ZNF431: variants seen among roughly 807,000 people sequenced by gnomAD.
The protein encoded by ZNF431 is zinc finger protein 431.
A neutral mutation model predicts 57.0 loss-of-function variants in ZNF431; 34 were observed. The observed-to-expected ratio is 0.60, with a 90% CI of 0.45 to 0.79. The LOEUF is 0.79. ZNF431 is among the 30% of genes least tolerant of loss of function. ZNF431 has a pLI of 0.00. For synonymous variants in ZNF431, 207 were observed against 220.3 expected, an observed-to-expected ratio of 0.94 and a Z score of 0.54; for missense variants, 607 against 667.1, an observed-to-expected ratio of 0.91 and a Z score of 0.99.
intron 2 of ZNF431, among the ~76,000 whole-genome samples, chr19:21,152,107 A>G (rs1036384384): frequency 3.3e-5 from 5 of 152,244 alleles, no homozygotes; most frequent in South Asian, 2.1e-4. Context: ...CTTAACAACC[A>G]ATATGAAACT....
chr19:21,184,098 T>C lies in ZNF431; in HGVS notation c.*64T>C, dbSNP rs2145056390. On this transcript the variant is annotated 3_prime_UTR_variant, in exon 5 of 5. Coordinates refer to ENST00000311048, the MANE Select transcript of ZNF431 (RefSeq NM_133473.4). ...GGTGCGGTGGCTTATGCAAAATGGCTCCCAGCATTTTGGGAGGCTGAGGTG... is the reference window on the plus strand; with the variant it reads ...GGTGCGGTGGCTTATGCAAAATGGCCCCCAGCATTTTGGGAGGCTGAGGTG... The C allele has an allele frequency of 7.0e-7, 1 of 1,428,594 alleles. No homozygotes were observed. The highest frequency in any genetic ancestry group is 1.5e-5 in the South Asian group (1 of 67,134). The allele number at this position is 1,428,594 out of a possible 1,614,324, so 88.5% of individuals were successfully genotyped here.
chr19:21,190,207 A>G lies in ZNF431; in HGVS notation c.*6173A>G, dbSNP rs1038892821. 8.6e-5 allele frequency: 21 copies of G among 243,464 alleles called. No homozygotes were observed. Among genetic ancestry groups the G allele is most frequent in the Non-Finnish European group, 1.2e-4 (15 of 129,016 alleles). The allele number at this position is 243,464 out of a possible 1,614,324, so 15.1% of individuals were successfully genotyped here. A position where few individuals can be genotyped will look rare whatever the true frequency, so the allele number is the denominator to read the frequency against. On this transcript the variant is annotated 3_prime_UTR_variant, in exon 5 of 5. Coordinates refer to ENST00000311048, the MANE Select transcript of ZNF431 (RefSeq NM_133473.4). Reference sequence around the variant, plus strand: ...AGGCATTTTTCTCATTTAAATAATAAATAGTATTCCATTATGTATATCAAC... The same window carrying G: ...AGGCATTTTTCTCATTTAAATAATAGATAGTATTCCATTATGTATATCAAC...
In ZNF431 at chr19:21,187,147, G is replaced by A. The variant is rs1568319675; in HGVS notation, c.*3113G>A. 2 of 152,070 alleles carry A rather than the reference G, an allele frequency of 1.3e-5. No homozygotes were observed. The highest frequency in any genetic ancestry group is 2.9e-5 in the Non-Finnish European group (2 of 68,022). 9.4% of individuals were successfully genotyped at this position (152,070 alleles called of 1,614,324 possible). On this transcript the variant is annotated 3_prime_UTR_variant, in exon 5 of 5. Transcript: ENST00000311048. ...GAAGATTGATTGTTCATATAGAGAG[G>A]ACATTTTTTTTCCAGACTGTAAAAC...
chr19:21,170,516 T>A (rs1289996997), intron 4 of ZNF431, among the ~76,000 whole-genome samples: 1 of 150,064 alleles, frequency 6.7e-6, no homozygotes, highest in Non-Finnish European at 1.5e-5. Flanking sequence ...AATTAGATAA[T>A]TGGTAGGCAC....
At chr19:21,167,801 T>C in intron 4 of ZNF431, 135 bp downstream of exon 4, 2 of 444,808 alleles carry the variant, frequency 4.5e-6, no homozygotes, top group Non-Finnish European at 7.5e-6. Context: ...GCCTGAATAT[T>C]TTCTTAAAAT....
intron 2 of ZNF431, among the ~76,000 whole-genome samples, chr19:21,143,980 C>G (rs544393867): frequency 1.2e-3 from 177 of 151,874 alleles, no homozygotes; most frequent in Non-Finnish European, 2.1e-3. Context: ...ACTGCAGTGT[C>G]TCCTGTATGG....
At chr19:21,178,262 C>T (rs1360893259) in intron 4 of ZNF431, among the ~76,000 whole-genome samples, 2 of 152,134 alleles carry the variant, frequency 1.3e-5, no homozygotes, top group Non-Finnish European at 2.9e-5. Context: ...ATGTCATCTA[C>T]AAACAGAGAC....
rs1191914550 is a variant in ZNF431 at position 21,186,781 on chromosome 19, C to T, written c.*2747C>T. The T allele has an allele frequency of 6.6e-6, 1 of 152,042 alleles. No individual in the cohort carries two copies. The highest frequency in any genetic ancestry group is 1.5e-5 in the Non-Finnish European group (1 of 68,014). 9.4% of individuals were successfully genotyped at this position (152,042 alleles called of 1,614,324 possible). On this transcript the variant is annotated 3_prime_UTR_variant, in exon 5 of 5. Coordinates refer to ENST00000311048, the MANE Select transcript of ZNF431 (RefSeq NM_133473.4). ...GAATTTTTATGAAATTTAGTGCACA[C>T]AAAATAATCTTTAGATGTAATTCCA... is the stretch of plus-strand genomic sequence containing the variant.
intron 2 of ZNF431, among the ~76,000 whole-genome samples, chr19:21,158,014 A>G (rs1252922778): frequency 6.6e-6 from 1 of 152,062 alleles, no homozygotes; most frequent in Non-Finnish European, 1.5e-5. Context: ...TGCCTTGGCA[A>G]TTCAGGCTCA....
At chr19:21,167,802 T>C in intron 4 of ZNF431, 136 bp downstream of exon 4, 1 of 446,226 alleles carries the variant, frequency 2.2e-6, no homozygotes, top group South Asian at 4.1e-5. Context: ...CCTGAATATT[T>C]TCTTAAAATT....
intron 2 of ZNF431, among the ~76,000 whole-genome samples, chr19:21,145,980 G>T (rs1422287836): frequency 6.6e-6 from 1 of 152,168 alleles, no homozygotes; most frequent in East Asian, 1.9e-4. Context: ...ACTGAGGATA[G>T]TTCAAAGTTC....
chr19:21,142,283 C>G, intron 1 of ZNF431, 97 bp downstream of exon 1: 1 of 1,529,970 alleles, frequency 6.5e-7, no homozygotes, highest in Non-Finnish European at 9.0e-7. Flanking sequence ...CCGCAGTCAG[C>G]TCCACAGTCT....
intron 2 of ZNF431, among the ~76,000 whole-genome samples, chr19:21,144,242 G>A (rs536596887): frequency 6.7e-6 from 1 of 149,658 alleles, no homozygotes; most frequent in South Asian, 2.1e-4. Context: ...CACTCTTGCT[G>A]CCCAGGCTGC....
At chr19:21,170,563 T>G (rs945128186) in intron 4 of ZNF431, among the ~76,000 whole-genome samples, 5 of 152,208 alleles carry the variant, frequency 3.3e-5, no homozygotes, top group African/African-American at 1.2e-4. Context: ...AAATTTAAGT[T>G]CGCTGCAGGT....
At position 21,186,150 on chromosome 19, in the gene ZNF431, G is replaced by T. The variant is rs1971370305; in HGVS notation, c.*2116G>T. On this transcript the variant is annotated 3_prime_UTR_variant, in exon 5 of 5. Coordinates refer to ENST00000311048, the MANE Select transcript of ZNF431 (RefSeq NM_133473.4). ...ATACAAAAATTAGCCAGGCGTGGTG[G>T]CATGTGCCTGTAATCCCAGCTACTC... The T allele has an allele frequency of 6.6e-6, 1 of 152,090 alleles. No homozygotes were observed. Among genetic ancestry groups the T allele is most frequent in the Non-Finnish European group, 1.5e-5 (1 of 68,076 alleles). The allele number at this position is 152,090 out of a possible 1,614,324, so 9.4% of individuals were successfully genotyped here.
chr19:21,163,530 G>C (rs575830381), intron 2 of ZNF431, among the ~76,000 whole-genome samples: 2 of 152,190 alleles, frequency 1.3e-5, no homozygotes, highest in South Asian at 4.1e-4. Context: ...AAGTAATGTT[G>C]GTTTTTTTTG....
Position 21,166,460 on chromosome 19 carries a change from G to A in ZNF431, c.222G>A (p.Leu74=). The A allele has an allele frequency of 1.2e-6, 2 of 1,602,548 alleles. No homozygotes were observed. Among genetic ancestry groups the A allele is most frequent in the African/African-American group, 1.3e-5 (1 of 74,152 alleles). Residue 74 remains leucine, a splice_region_variant and synonymous_variant, in exon 3 of 5, where the codon TTG becomes TTA. Coordinates refer to ENST00000311048, the MANE Select transcript of ZNF431 (RefSeq NM_133473.4). ...MLENYKNLVF[L]GVAVSKQDPV... is the part of the protein sequence containing the mutation. The stretch of plus-strand genomic sequence containing the variant: ...AAAACTACAAAAACCTGGTCTTCTT[G>A]GGTGAGAATAACTTTCATACACAAT...
chr19:21,178,128 G>T (rs947814644), intron 4 of ZNF431, among the ~76,000 whole-genome samples: 8 of 151,974 alleles, frequency 5.3e-5, no homozygotes, highest in African/African-American at 1.9e-4. Context: ...TTTGTTTATT[G>T]TTGGTGTATT....
intron 4 of ZNF431, among the ~76,000 whole-genome samples, chr19:21,177,541 T>G (rs1190209585): frequency 2.6e-5 from 4 of 152,056 alleles, no homozygotes; most frequent in Admixed American, 6.6e-5. Flanking sequence ...AATCTCAGCA[T>G]TTTGGGAGGC....
Sources: gnomAD v4.1 joint callset for allele counts (sites outside exome capture counted in the v4.1 genomes callset) on GRCh38, gnomAD v4.1.1 for gene constraint, MANE v1.5 for transcripts, NCBI Gene and HGNC (gene_info 2026-07-23, HGNC 2026-07-21) for gene names.